The following TLCD4 variants were observed in gnomAD, a reference collection of about 807,000 sequenced individuals.
TLCD4 encodes TLC domain containing 4.
A neutral mutation model predicts 24.2 loss-of-function variants in TLCD4; 7 were observed. The ratio of observed to expected loss-of-function variants is 0.29; its 90% confidence interval spans 0.16 to 0.54. The LOEUF is 0.54. TLCD4 is among the 20% of genes least tolerant of loss of function. The pLI, the probability that TLCD4 is intolerant of heterozygous loss-of-function variation, is 0.95. For synonymous variants in TLCD4, 103 were observed against 106.4 expected (o/e 0.97, Z 0.20); for missense variants, 259 against 313.9 (o/e 0.82, Z 1.32).
At chr1:95,177,927 TTTC>T (rs1678486622) in intron 6 of TLCD4, among the ~76,000 whole-genome samples, 1 of 150,920 alleles carries the variant, frequency 6.6e-6, no homozygotes, top group African/African-American at 2.4e-5. Flanking sequence ...ACTGTCTTTT[TTTC>T]TTTTCTTTTT....
At chr1:95,143,837 T>A (rs1677276800) in intron 1 of TLCD4, 54 bp from the exon 2 acceptor site, 12 of 1,309,270 alleles carry the variant, frequency 9.2e-6, no homozygotes, top group South Asian at 6.1e-5. Flanking sequence ...AATAAAAAAA[T>A]TACTCTAGGT....
chr1:95,147,796 A>C (rs148749384), intron 2 of TLCD4, among the ~76,000 whole-genome samples: 1 of 152,298 alleles, frequency 6.6e-6, no homozygotes, highest in East Asian at 1.9e-4. Context: ...CTCAATAAAG[A>C]TGTGAGAAAT....
chr1:95,156,857 C>T (rs927866517), intron 5 of TLCD4, among the ~76,000 whole-genome samples: 5 of 152,086 alleles, frequency 3.3e-5, no homozygotes, highest in Admixed American at 6.6e-5. Context: ...TTTGGAGATG[C>T]ATGGCTATCC....
chr1:95,096,575 C>T, the TLCD4 span, among the ~76,000 whole-genome samples: 1 of 152,142 alleles, frequency 6.6e-6, no homozygotes, highest in African/African-American at 2.4e-5. Context: ...TTGGGATCAT[C>T]CGTTTTGTTT....
At chr1:95,171,708 A>T (rs1028680309) in intron 5 of TLCD4, among the ~76,000 whole-genome samples, 7 of 152,334 alleles carry the variant, frequency 4.6e-5, no homozygotes, top group African/African-American at 1.7e-4. Flanking sequence ...AGGGAAAGAC[A>T]CATAAAATTT....
chr1:95,137,737 C>T (rs1374063132), intron 1 of TLCD4, among the ~76,000 whole-genome samples: 1 of 143,064 alleles, frequency 7.0e-6, no homozygotes, highest in East Asian at 2.4e-4. Context: ...TCCCTTTCTT[C>T]CTTCTCTTTT....
At chr1:95,118,365 TG>T (rs1676486887) in intron 1 of TLCD4, among the ~76,000 whole-genome samples, 1 of 152,232 alleles carries the variant, frequency 6.6e-6, no homozygotes, top group African/African-American at 2.4e-5. Context: ...GAAAACACTT[TG>T]AGTCTAAATT....
chr1:95,105,781 G>C, the TLCD4 span, among the ~76,000 whole-genome samples: 1 of 151,708 alleles, frequency 6.6e-6, no homozygotes, highest in Non-Finnish European at 1.5e-5. Flanking sequence ...TGTAGTCCCA[G>C]CTACTCGCGA....
chr1:95,181,575 G>GTTTGTTTATTTA (rs1553172732), intron 6 of TLCD4, among the ~76,000 whole-genome samples: 5 of 95,882 alleles, frequency 5.2e-5, no homozygotes, highest in South Asian at 3.6e-4. Context: ...TTTTAAATTT[G>GTTTGTTTATTTA]TTTAATTATT....
chr1:95,110,024 T>C, the TLCD4 span, among the ~76,000 whole-genome samples: 3 of 148,590 alleles, frequency 2.0e-5, no homozygotes, highest in Non-Finnish European at 3.0e-5. Context: ...TTTTTTATTG[T>C]TTATATATTT....
At chr1:95,156,536 A>G (rs1557687106) in intron 5 of TLCD4, among the ~76,000 whole-genome samples, 1 of 152,194 alleles carries the variant, frequency 6.6e-6, no homozygotes, top group Non-Finnish European at 1.5e-5. Context: ...CATGTTAGAA[A>G]AATAAAGCTG....
chr1:95,163,497 T>G (rs1478348780), intron 5 of TLCD4: 1 of 152,240 alleles, frequency 6.6e-6, no homozygotes, highest in Non-Finnish European at 1.5e-5. Context: ...GAAGCCTTCT[T>G]CTCTCAACTT....
At chr1:95,155,698 T>C (rs535902886) in intron 5 of TLCD4, among the ~76,000 whole-genome samples, 1 of 151,872 alleles carries the variant, frequency 6.6e-6, no homozygotes, top group African/African-American at 2.4e-5. Flanking sequence ...TCAGAAAATA[T>C]AGACTCAAGA....
intron 6 of TLCD4, chr1:95,174,147 C>T (rs1384383241): frequency 4.1e-6 from 2 of 482,416 alleles, no homozygotes; most frequent in Non-Finnish European, 7.4e-6. Context: ...ATGATGCCTG[C>T]TTCCAGCTCA....
intron 5 of TLCD4, among the ~76,000 whole-genome samples, chr1:95,158,701 T>C (rs1392077975): frequency 2.3e-5 from 3 of 128,610 alleles, no homozygotes; most frequent in African/African-American, 8.8e-5. Context: ...CTGTTCCCCA[T>C]CCTGTGTCCA....
chr1:95,196,389 TC>T lies in TLCD4; in HGVS notation c.*4522del. 1 of 152,352 alleles carries T rather than the reference TC, an allele frequency of 6.6e-6. No individual in the cohort carries two copies. Among genetic ancestry groups the T allele is most frequent in the East Asian group, 1.9e-4 (1 of 5,184 alleles). The allele number at this position is 152,352 out of a possible 1,614,324, so 9.4% of individuals were successfully genotyped here. A position where few individuals can be genotyped will look rare whatever the true frequency, so the allele number is the denominator to read the frequency against. On this transcript the variant is annotated 3_prime_UTR_variant, in exon 7 of 7. Coordinates refer to ENST00000370203, the MANE Select transcript of TLCD4 (RefSeq NM_152487.3). ...GGGAAAACTTTGCTATGGTAATGTT[TC>T]TTTGAAAACAAATTTACCAGCAACT... is the stretch of plus-strand genomic sequence containing the variant.
intron 1 of TLCD4, 58 bp from the exon 2 acceptor site, chr1:95,143,833 A>G: frequency 6.9e-6 from 9 of 1,306,242 alleles, no homozygotes; most frequent in Non-Finnish European, 7.9e-6. Context: ...TTAAAATAAA[A>G]AAATTACTCT....
chr1:95,159,095 A>G (rs1006796310), intron 5 of TLCD4, among the ~76,000 whole-genome samples: 19 of 152,152 alleles, frequency 1.2e-4, no homozygotes, highest in Admixed American at 5.9e-4. Flanking sequence ...TGTCTTCCAC[A>G]ATGGTTGAAC....
the TLCD4 span, among the ~76,000 whole-genome samples, chr1:95,094,619 G>C: frequency 2.6e-5 from 4 of 152,126 alleles, no homozygotes; most frequent in East Asian, 7.7e-4. Context: ...AACTGGTCTT[G>C]ATCACCAGAG....
Sources: allele counts gnomAD v4.1 joint callset (sites outside exome capture counted in the v4.1 genomes callset), GRCh38; gene constraint gnomAD v4.1.1; transcripts MANE v1.5; gene names NCBI Gene and HGNC (gene_info 2026-07-23, HGNC 2026-07-21).